Variants in LAYN observed in about 807,000 individuals in gnomAD.
The protein encoded by LAYN is layilin.
A neutral mutation model predicts 43.6 loss-of-function variants in LAYN; 38 were observed. That is an observed-to-expected ratio of 0.87 (90% CI 0.67 to 1.14). The LOEUF (loss-of-function observed/expected upper bound fraction) is 1.14. Among genes scored for constraint, LAYN ranks in the 50% most tolerant of loss-of-function variants. LAYN has a pLI of 0.00. For missense variants in LAYN, 479 were observed against 463.8 expected, an observed-to-expected ratio of 1.03 and a Z score of -0.30; for synonymous variants, 168 against 172.9, an observed-to-expected ratio of 0.97 and a Z score of 0.22.
chr11:111,544,143 G>A lies in LAYN; in HGVS notation c.306G>A (p.Arg102=). The A allele has an allele frequency of 6.2e-7, 1 of 1,614,174 alleles. No homozygotes were observed. Among genetic ancestry groups the A allele is most frequent in the Non-Finnish European group, 8.5e-7 (1 of 1,180,032 alleles). ...GTGACTTCTGGATTGGGCTCAGGAG[G>A]CGTGAGGAGAAACAAAGCAATAGCA... ...SDGDFWIGLR[R]REEKQSNSTA... is the part of the protein sequence containing the mutation. Residue 102 remains arginine (R), a synonymous_variant, in exon 2 of 7, where the codon AGG becomes AGA. Coordinates refer to ENST00000375614, the MANE Select transcript of LAYN (RefSeq NM_178834.5).
chr11:111,542,269 G>C lies in LAYN; in HGVS notation c.85+1341G>C, dbSNP rs1023399219. Among the ~76,000 whole-genome samples, 4 of 152,272 alleles carry C rather than the reference G, an allele frequency of 2.6e-5. No homozygotes were observed. In the South Asian group the frequency reaches 8.3e-4, roughly 32 times the overall value. On this transcript the variant is annotated intron_variant, in intron 1 of 6. Coordinates refer to ENST00000375614, the MANE Select transcript of LAYN (RefSeq NM_178834.5). ...CTCTCTGAATACCTTCTTGCAAGCA[G>C]GTCTGGCTTTTGAACCCTCCTAATG...
chr11:111,557,525 C>T lies in LAYN; in HGVS notation c.659-16C>T, dbSNP rs748982026. ...AAAAACAGCCAATGCTGATCATGTG[C>T]TTTCTTTCTTTTCAGAAGCTGCCTT... On this transcript the variant is annotated splice_polypyrimidine_tract_variant and intron_variant, in intron 5 of 6. Transcript: ENST00000375614. 4 of 1,596,524 alleles carry T rather than the reference C, an allele frequency of 2.5e-6. No homozygotes were observed. In the South Asian group the frequency reaches 3.3e-5, roughly 13 times the overall value.
At position 111,560,530 on chromosome 11, in the gene LAYN, G is replaced by A. The variant is rs966395480; in HGVS notation, c.*72G>A. Reference sequence around the variant, plus strand: ...GCAAAATCCTCTTATTTTCTATAAGGAAAATACACAGAAGGTCTATGAACA... The same window carrying A: ...GCAAAATCCTCTTATTTTCTATAAGAAAAATACACAGAAGGTCTATGAACA... On this transcript the variant is annotated 3_prime_UTR_variant, in exon 7 of 7. Coordinates refer to ENST00000375614, the MANE Select transcript of LAYN (RefSeq NM_178834.5). The A allele has an allele frequency of 6.8e-7, 1 of 1,472,974 alleles. No homozygotes were observed. The highest frequency in any genetic ancestry group is 9.2e-7 in the Non-Finnish European group (1 of 1,090,518). 91.2% of individuals were successfully genotyped at this position (1,472,974 alleles called of 1,614,324 possible).
At chr11:111,540,547 G>A (rs1867509539), upstream of LAYN, 3 of 464,964 alleles carry the variant, frequency 6.5e-6, no homozygotes, top group South Asian at 9.1e-5. Context: ...GGGGGACAGG[G>A]AGCTGGTTCC....
chr11:111,551,165 G>C (rs1867738183), intron 3 of LAYN, among the ~76,000 whole-genome samples: 1 of 152,176 alleles, frequency 6.6e-6, no homozygotes, highest in Admixed American at 6.5e-5. Context: ...GCAGAACCCG[G>C]GAAAAGCTTG....
At position 111,554,459 on chromosome 11, in the gene LAYN, A is replaced by G. The variant is rs982825437; in HGVS notation, c.542-102A>G. The G allele has an allele frequency of 8.0e-6, 7 of 879,766 alleles. No individual in the cohort carries two copies. The African/African-American group carries it at 1.2e-4, about 15-fold the overall frequency. The allele number at this position is 879,766 out of a possible 1,614,324, so 54.5% of individuals were successfully genotyped here. On this transcript the variant is annotated intron_variant, in intron 3 of 6. Transcript: ENST00000375614. ...ACAACAAATAAAGTTTATCGGAGGA[A>G]TGAATCAGCAAATAAATGGATGCCA...
At chr11:111,546,867 C>T (rs1047301980) in intron 2 of LAYN, among the ~76,000 whole-genome samples, 1 of 152,164 alleles carries the variant, frequency 6.6e-6, no homozygotes, top group African/African-American at 2.4e-5. Flanking sequence ...GGCCTTGCTT[C>T]AAAATCCTAT....
At position 111,549,626 on chromosome 11, in the gene LAYN, A is replaced by G; in HGVS notation, c.392A>G (p.Tyr131Cys). Reference sequence around the variant, plus strand: ...TGATCCCTTCCCTACAGGAACTGGTATGTGGATGAGCCATCCTGCGGCAGC... The same window carrying G: ...TGATCCCTTCCCTACAGGAACTGGTGTGTGGATGAGCCATCCTGCGGCAGC... ...DGSISQFRNW[Y>C]VDEPSCGSEV... The change falls in exon 3 of 7, where the codon TAT (tyrosine) becomes TGT (cysteine). Residue 131 changes from tyrosine (Y) to cysteine (C), a missense_variant. By Grantham distance (194) the Tyr-to-Cys change is radical (BLOSUM62 -2). Transcript: ENST00000375614. The G allele has an allele frequency of 6.4e-7, 1 of 1,560,710 alleles. No individual in the cohort carries two copies. Among genetic ancestry groups the G allele is most frequent in the Non-Finnish European group, 8.6e-7 (1 of 1,160,000 alleles).
chr11:111,542,268 A>G (rs558242736), intron 1 of LAYN, among the ~76,000 whole-genome samples: 1 of 152,294 alleles, frequency 6.6e-6, no homozygotes, highest in Admixed American at 6.5e-5. Context: ...TCTTGCAAGC[A>G]GGTCTGGCTT....
At chr11:111,551,247 G>C in intron 3 of LAYN, 2 of 437,802 alleles carry the variant, frequency 4.6e-6, no homozygotes, top group Non-Finnish European at 9.1e-6. Flanking sequence ...CCATGCTGAC[G>C]TGGGATGGGG....
chr11:111,552,014 G>A (rs12270994), intron 3 of LAYN, among the ~76,000 whole-genome samples: 16,823 of 56,950 alleles, frequency 0.3, 1,311 homozygotes, highest in African/African-American at 0.39. Context: ...ATGTGTGTGT[G>A]TATATATATA....
At chr11:111,556,427 A>G (rs1383734207) in intron 5 of LAYN, among the ~76,000 whole-genome samples, 2 of 152,152 alleles carry the variant, frequency 1.3e-5, no homozygotes, top group Non-Finnish European at 2.9e-5. Flanking sequence ...CCCCAACCCT[A>G]TCATCACATG....
At chr11:111,542,230 A>C (rs1474611126) in intron 1 of LAYN, among the ~76,000 whole-genome samples, 1 of 152,186 alleles carries the variant, frequency 6.6e-6, no homozygotes, top group East Asian at 1.9e-4. Context: ...TCCCGGGGGT[A>C]TCCCTGCCTC....
chr11:111,543,690 A>G (rs1867589196), intron 1 of LAYN, among the ~76,000 whole-genome samples: 2 of 152,222 alleles, frequency 1.3e-5, no homozygotes, highest in African/African-American at 4.8e-5. Context: ...CTGTAATGGA[A>G]CAAACAAAAC....
At chr11:111,554,427 T>C in intron 3 of LAYN, 134 bp from the exon 4 acceptor site, 1 of 706,270 alleles carries the variant, frequency 1.4e-6, no homozygotes, top group South Asian at 1.7e-5. Flanking sequence ...GTTCCTGATA[T>C]CTGATAACAA....
chr11:111,554,059 G>A (rs1047474570), intron 3 of LAYN, among the ~76,000 whole-genome samples: 1 of 152,188 alleles, frequency 6.6e-6, no homozygotes, highest in Non-Finnish European at 1.5e-5. Context: ...CTGGCCAGTG[G>A]TCTACTGAGC....
intron 3 of LAYN, among the ~76,000 whole-genome samples, chr11:111,552,614 A>G (rs1317431978): frequency 1.3e-5 from 2 of 152,250 alleles, no homozygotes; most frequent in African/African-American, 4.8e-5. Flanking sequence ...ATCATGAGGC[A>G]ACACAGATGC....
chr11:111,553,039 C>T (rs1867769685), intron 3 of LAYN, among the ~76,000 whole-genome samples: 2 of 152,140 alleles, frequency 1.3e-5, no homozygotes, highest in South Asian at 2.1e-4. Flanking sequence ...AATAAGGCCA[C>T]CTCCCATCCT....
intron 2 of LAYN, among the ~76,000 whole-genome samples, chr11:111,545,075 T>TA (rs34170562): frequency 0.3 from 43,963 of 148,540 alleles, 7,058 homozygotes; most frequent in Middle Eastern, 0.43. Flanking sequence ...TATATATATA[T>TA]TTTTTACCTA....
Sources: gnomAD v4.1 joint callset for allele counts (sites outside exome capture counted in the v4.1 genomes callset) on GRCh38, gnomAD v4.1.1 for gene constraint, MANE v1.5 for transcripts, NCBI Gene and HGNC (gene_info 2026-07-23, HGNC 2026-07-21) for gene names.